Variants in SNTG2 observed in about 807,000 individuals in gnomAD.
SNTG2 encodes syntrophin gamma 2.
Under a neutral mutation model 70.9 loss-of-function variants are expected in SNTG2, and 74 were observed. That is an observed-to-expected ratio of 1.04 (90% CI 0.86 to 1.27). The LOEUF (loss-of-function observed/expected upper bound fraction) is 1.27, where lower values mean the gene tolerates loss of function less well. Ranked by LOEUF, SNTG2 falls within the 50% of genes most tolerant of loss-of-function variation. The probability of loss-of-function intolerance (pLI) is 0.00; values close to 1 mark genes in which losing one functional copy is unlikely to be tolerated. For missense variants in SNTG2, 717 were observed against 690.7 expected (o/e 1.04, Z -0.43); for synonymous variants, 278 against 273.8 (o/e 1.02, Z -0.15).
chr2:992,859 T>C (rs1274769715), intron 1 of SNTG2, among the ~76,000 whole-genome samples: 2 of 152,162 alleles, frequency 1.3e-5, no homozygotes, highest in South Asian at 2.1e-4. Context: ...TGGTTTGTTG[T>C]GTATTCACAG....
chr2:1,299,018 T>C (rs961160135), intron 14 of SNTG2, among the ~76,000 whole-genome samples: 29 of 152,188 alleles, frequency 1.9e-4, no homozygotes, highest in Non-Finnish European at 2.9e-4. Flanking sequence ...TGGCCTATTG[T>C]GGGACCCTGT....
intron 1 of SNTG2, among the ~76,000 whole-genome samples, chr2:967,365 T>C (rs747652365): frequency 6.6e-6 from 1 of 152,232 alleles, no homozygotes; most frequent in Non-Finnish European, 1.5e-5. Flanking sequence ...ACTTTAGAGA[T>C]GCTTTTTTTT....
intron 8 of SNTG2, among the ~76,000 whole-genome samples, chr2:1,183,079 C>T (rs1672022702): frequency 2.6e-5 from 4 of 152,144 alleles, no homozygotes; most frequent in Admixed American, 2.6e-4. Context: ...ACCTCTATAA[C>T]CATAGATTCG....
intron 1 of SNTG2, among the ~76,000 whole-genome samples, chr2:1,070,376 G>T (rs1184451467): frequency 6.6e-6 from 1 of 152,124 alleles, no homozygotes. Flanking sequence ...CGAAGCTTTT[G>T]TTCACTCCTC....
chr2:977,154 C>T (rs1660932535), intron 1 of SNTG2, among the ~76,000 whole-genome samples: 1 of 150,252 alleles, frequency 6.7e-6, no homozygotes, highest in South Asian at 2.1e-4. Flanking sequence ...AGAGCCTGTT[C>T]CTATCACTGA....
chr2:1,209,813 T>C (rs906862626), intron 9 of SNTG2, among the ~76,000 whole-genome samples: 11 of 152,334 alleles, frequency 7.2e-5, no homozygotes, highest in East Asian at 1.9e-4. Context: ...AAGTAATGAG[T>C]TGGTGAATTT....
chr2:1,318,792 G>T (rs1039317429), intron 16 of SNTG2, among the ~76,000 whole-genome samples: 2 of 148,632 alleles, frequency 1.3e-5, no homozygotes, highest in African/African-American at 5.0e-5. Flanking sequence ...GAGGAGCACC[G>T]TAACCTTTTG....
chr2:977,083 T>C (rs1017994668), intron 1 of SNTG2, among the ~76,000 whole-genome samples: 1 of 152,174 alleles, frequency 6.6e-6, no homozygotes, highest in African/African-American at 2.4e-5. Flanking sequence ...CACCATTCAC[T>C]GTTAATGTAG....
chr2:1,197,577 C>T (rs1289852373), intron 8 of SNTG2, among the ~76,000 whole-genome samples: 2 of 151,098 alleles, frequency 1.3e-5, no homozygotes, highest in East Asian at 3.9e-4. Flanking sequence ...CTCACTGTCA[C>T]TCAGTCTGGG....
At chr2:1,281,131 A>G (rs1326939970) in intron 14 of SNTG2, among the ~76,000 whole-genome samples, 1 of 152,070 alleles carries the variant, frequency 6.6e-6, no homozygotes, top group Non-Finnish European at 1.5e-5. Context: ...GATAAAACCA[A>G]CACTCACTCT....
In SNTG2 at chr2:1,085,757, C is replaced by T. The variant is rs151140017; in HGVS notation, c.210+2102C>T. Among the ~76,000 whole-genome samples, 270 of 152,286 alleles carry T rather than the reference C, an allele frequency of 1.8e-3. 1 individual carries two copies. Among genetic ancestry groups the T allele is most frequent in the Middle Eastern group, 0.017 (5 of 294 alleles). ...TTTAAGGATCTCAGGATTCTGTCTC[C>T]CAGAGACAGTGTGGGCTTTCAGGAC... On this transcript the variant is annotated intron_variant, in intron 2 of 16. Coordinates refer to ENST00000308624, the MANE Select transcript of SNTG2 (RefSeq NM_018968.4).
intron 11 of SNTG2, among the ~76,000 whole-genome samples, chr2:1,243,903 G>A (rs565684417): frequency 6.6e-6 from 1 of 152,320 alleles, no homozygotes; most frequent in Non-Finnish European, 1.5e-5. Context: ...GCACGCGCCT[G>A]TAATCCCAGC....
At chr2:1,352,693 C>A (rs1660644280) in intron 16 of SNTG2, among the ~76,000 whole-genome samples, 1 of 152,322 alleles carries the variant, frequency 6.6e-6, no homozygotes, top group Admixed American at 6.5e-5. Context: ...AACAGCTGGT[C>A]CCACTGGGCT....
chr2:988,446 G>C (rs1572195979), intron 1 of SNTG2, among the ~76,000 whole-genome samples: 1 of 152,132 alleles, frequency 6.6e-6, no homozygotes, highest in Admixed American at 6.5e-5. Flanking sequence ...ATTTTTTTTG[G>C]CTTCTTTTTT....
At chr2:1,115,219 T>G (rs370612130) in intron 4 of SNTG2, among the ~76,000 whole-genome samples, 1 of 148,776 alleles carries the variant, frequency 6.7e-6, no homozygotes, top group Non-Finnish European at 1.5e-5. Context: ...TACTAATGTT[T>G]AACCCCTATA....
At chr2:1,304,415 T>C (rs896655373) in intron 14 of SNTG2, among the ~76,000 whole-genome samples, 3 of 152,162 alleles carry the variant, frequency 2.0e-5, no homozygotes, top group Non-Finnish European at 4.4e-5. Context: ...CTGTTCTTGG[T>C]GTTCAGAACA....
chr2:1,326,928 AC>A (rs1015569828), intron 16 of SNTG2, among the ~76,000 whole-genome samples: 2 of 151,968 alleles, frequency 1.3e-5, no homozygotes, highest in African/African-American at 4.8e-5. Context: ...CCTTAGAATA[AC>A]CTTTACATTA....
intron 1 of SNTG2, among the ~76,000 whole-genome samples, chr2:1,006,631 A>G (rs1294210862): frequency 6.6e-6 from 1 of 152,232 alleles, no homozygotes; most frequent in Non-Finnish European, 1.5e-5. Flanking sequence ...GTACTTATGT[A>G]TAGACTTTTT....
chr2:954,679 T>C (rs888902266), intron 1 of SNTG2, among the ~76,000 whole-genome samples: 2 of 152,196 alleles, frequency 1.3e-5, no homozygotes, highest in African/African-American at 4.8e-5. Flanking sequence ...GTGGGTGTAA[T>C]CCCTCACCTG....
Sources: gnomAD v4.1 joint callset for allele counts (sites outside exome capture counted in the v4.1 genomes callset) on GRCh38, gnomAD v4.1.1 for gene constraint, MANE v1.5 for transcripts, NCBI Gene and HGNC (gene_info 2026-07-23, HGNC 2026-07-21) for gene names.